Variants in NAPEPLD observed in about 807,000 individuals in gnomAD.
NAPEPLD encodes the protein N-acyl-phosphatidylethanolamine-hydrolyzing phospholipase D.
NAPEPLD carries 23 observed loss-of-function variants against 38.1 expected under a neutral mutation model. That is an observed-to-expected ratio of 0.60 (90% CI 0.43 to 0.86). The LOEUF is 0.86. Ranked by LOEUF, NAPEPLD falls within the 40% of genes least tolerant of loss-of-function variation. The pLI, the probability that NAPEPLD is intolerant of heterozygous loss-of-function variation, is 0.00. For synonymous variants in NAPEPLD, 147 were observed against 162.0 expected (o/e 0.91, Z 0.71); for missense variants, 411 against 476.8 (o/e 0.86, Z 1.28).
At chr7:103,140,537 A>G (rs371304940) in intron 1 of NAPEPLD, among the ~76,000 whole-genome samples, 1 of 151,596 alleles carries the variant, frequency 6.6e-6, no homozygotes, top group East Asian at 1.9e-4. Flanking sequence ...GGACTACAGG[A>G]GCCCGCCACC....
intron 4 of NAPEPLD, among the ~76,000 whole-genome samples, chr7:103,108,881 A>G (rs1202821594): frequency 1.3e-5 from 2 of 152,208 alleles, no homozygotes; most frequent in African/African-American, 4.8e-5. Context: ...GCTCAAAATA[A>G]AGGGATGGAG....
At position 103,106,728 on chromosome 7, in the gene NAPEPLD, T is replaced by TA. The variant is rs35671646; in HGVS notation, c.1057-3175dup. ...TTCTCCTCTCTGGGCAGGGCATCTC[T>TA]AAAAAAAAAAGGCAGCACCCCAGTC... On this transcript the variant is annotated intron_variant, in intron 4 of 4. Transcript: ENST00000465647. Among the ~76,000 whole-genome samples, 452 of 147,448 alleles carry TA rather than the reference T, an allele frequency of 3.1e-3. 1 individual carries two copies. The highest frequency in any genetic ancestry group is 6.6e-3 in the African/African-American group (266 of 40,436).
chr7:103,139,807 C>T (rs944640709), intron 1 of NAPEPLD, among the ~76,000 whole-genome samples: 1 of 152,124 alleles, frequency 6.6e-6, no homozygotes, highest in Non-Finnish European at 1.5e-5. Flanking sequence ...CTACATCAGA[C>T]CCTGTTCAGC....
chr7:103,135,085 G>A (rs73412104), intron 1 of NAPEPLD, among the ~76,000 whole-genome samples: 344 of 152,160 alleles, frequency 2.3e-3, no homozygotes, highest in African/African-American at 8.0e-3. Context: ...ATTATGAAGC[G>A]GCAAATCATT....
chr7:103,135,774 A>G (rs1809915549), intron 1 of NAPEPLD, among the ~76,000 whole-genome samples: 1 of 152,178 alleles, frequency 6.6e-6, no homozygotes, highest in Non-Finnish European at 1.5e-5. Flanking sequence ...CAAACAATTT[A>G]TCTTCACTAG....
chr7:103,117,456 CAATT>C (rs2129528403), intron 3 of NAPEPLD, among the ~76,000 whole-genome samples: 1 of 152,198 alleles, frequency 6.6e-6, no homozygotes, highest in South Asian at 2.1e-4. Flanking sequence ...TGTGATATAA[CAATT>C]AAAATAAAAA....
At chr7:103,108,312 T>C (rs1694212974) in intron 4 of NAPEPLD, among the ~76,000 whole-genome samples, 1 of 152,010 alleles carries the variant, frequency 6.6e-6, no homozygotes, top group Non-Finnish European at 1.5e-5. Flanking sequence ...CCAGTTAATT[T>C]TTGCATTTTT....
chr7:103,148,496 C>A (rs1287236748), intron 1 of NAPEPLD, among the ~76,000 whole-genome samples: 1 of 138,232 alleles, frequency 7.2e-6, no homozygotes, highest in African/African-American at 2.7e-5. Context: ...AAAACAACAA[C>A]AACAAAAACC....
rs114343410 is a variant in NAPEPLD at position 103,120,060 on chromosome 7, C to T, written c.458G>A (p.Arg153His). The T allele has an allele frequency of 1.6e-4, 264 of 1,614,118 alleles. 1 individual carries two copies. In the African/African-American group the frequency reaches 3.0e-3, roughly 18 times the overall value. ...ACCCATGTACTGCGATGGTGAAGCA[C>T]GAGAGCTAAAGATGGGATCCGTGAG... ...IFLTDPIFSS[R>H]ASPSQYMGPK... Residue 153 changes from arginine (R) to histidine (H), a missense_variant, in exon 3 of 5, where the codon CGT becomes CAT. Physicochemically the swap from Arg to His is conservative, Grantham distance 29. Transcript: ENST00000465647.
At chr7:103,125,890 A>AAATAATAATAATAAT (rs142799732) in intron 2 of NAPEPLD, among the ~76,000 whole-genome samples, 4,291 of 145,298 alleles carry the variant, frequency 0.03, 204 homozygotes, top group African/African-American at 0.1. Context: ...TCTGTCTCAA[A>AAATAATAATAATAAT]AATAATAATA....
At chr7:103,124,386 A>G (rs923247557) in intron 2 of NAPEPLD, among the ~76,000 whole-genome samples, 2 of 152,062 alleles carry the variant, frequency 1.3e-5, no homozygotes, top group Non-Finnish European at 2.9e-5. Context: ...TGAACCCAGG[A>G]GGCGAAGGTT....
chr7:103,121,767 G>C (rs1349950193), intron 2 of NAPEPLD, among the ~76,000 whole-genome samples: 1 of 151,926 alleles, frequency 6.6e-6, no homozygotes, highest in Non-Finnish European at 1.5e-5. Context: ...ATGTATGTTT[G>C]TAAGTTGCCA....
intron 1 of NAPEPLD, among the ~76,000 whole-genome samples, chr7:103,132,404 A>G (rs1809129938): frequency 6.6e-6 from 1 of 152,176 alleles, no homozygotes; most frequent in South Asian, 2.1e-4. Flanking sequence ...GAGTATTTGG[A>G]TAGTCACAAA....
intron 4 of NAPEPLD, among the ~76,000 whole-genome samples, chr7:103,114,380 T>C (rs1585840722): frequency 6.6e-6 from 1 of 152,352 alleles, no homozygotes; most frequent in Non-Finnish European, 1.5e-5. Flanking sequence ...TTTATCCCTA[T>C]GCCTGGCACA....
intron 2 of NAPEPLD, chr7:103,127,142 GAATA>G (rs1281304317): frequency 3.3e-5 from 5 of 152,062 alleles, no homozygotes; most frequent in African/African-American, 1.2e-4. Context: ...AGAGCACAAT[GAATA>G]AATAAAGAAC....
intron 1 of NAPEPLD, among the ~76,000 whole-genome samples, chr7:103,133,209 G>A (rs1231388561): frequency 6.6e-6 from 1 of 152,152 alleles, no homozygotes; most frequent in African/African-American, 2.4e-5. Flanking sequence ...TTCCTCAGAT[G>A]TATCATGTAC....
At chr7:103,128,189 C>A (rs1808216872) in intron 2 of NAPEPLD, 1 of 385,758 alleles carries the variant, frequency 2.6e-6, no homozygotes, top group Non-Finnish European at 4.6e-6. Flanking sequence ...TTGACTAGGC[C>A]CAGCTGAAAT....
rs1802411398 is a variant in NAPEPLD, at chr7:103,101,634, A to AT, written c.*1794dup. 3 of 152,514 alleles carry AT rather than the reference A, an allele frequency of 2.0e-5. No individual in the cohort carries two copies. The highest frequency in any genetic ancestry group is 7.2e-5 in the African/African-American group (3 of 41,412). The allele number at this position is 152,514 out of a possible 1,614,324, so 9.4% of individuals were successfully genotyped here. A position where few individuals can be genotyped will look rare whatever the true frequency, so the allele number is the denominator to read the frequency against. On this transcript the variant is annotated 3_prime_UTR_variant, in exon 5 of 5. Coordinates refer to ENST00000465647, the MANE Select transcript of NAPEPLD (RefSeq NM_001122838.3). The stretch of plus-strand genomic sequence containing the variant: ...CTTTAAAAACTCATTTAATCTACAC[A>AT]TTTTTCAGAGGTAGGTCGGAATTAT...
Position 103,119,732 on chromosome 7 carries a change from G to C in NAPEPLD, c.786C>G (p.Asp262Glu). 15 of 1,614,156 alleles carry C rather than the reference G, an allele frequency of 9.3e-6. No individual in the cohort carries two copies. Among genetic ancestry groups the C allele is most frequent in the Non-Finnish European group, 1.3e-5 (15 of 1,180,030 alleles). ...QHWCKRTLMD[D>E]NKVLWGSWSV... ...ACCAGCTGCCCCATAGCACCTTGTT[G>C]TCATCCATTAGAGTCCTTTTACACC... Residue 262 changes from aspartate to glutamate, a missense_variant, in exon 3 of 5, where the codon GAC becomes GAG. Physicochemically the swap from Asp to Glu is conservative, Grantham distance 45 (BLOSUM62 2). Transcript: ENST00000465647.
Sources: gnomAD v4.1 joint callset for allele counts (sites outside exome capture counted in the v4.1 genomes callset) on GRCh38, gnomAD v4.1.1 for gene constraint, MANE v1.5 for transcripts, NCBI Gene and HGNC (gene_info 2026-07-23, HGNC 2026-07-21) for gene names.